Variants in EYS observed in about 807,000 individuals in gnomAD.
EYS encodes protein eyes shut homolog.
Under a neutral mutation model 282.1 loss-of-function variants are expected in EYS, and 250 were observed. That is an observed-to-expected ratio of 0.89 (90% CI 0.80 to 0.98). The LOEUF (loss-of-function observed/expected upper bound fraction) is 0.98, where lower values mean the gene tolerates loss of function less well. Ranked by LOEUF, EYS falls within the 50% of genes least tolerant of loss-of-function variation. EYS has a pLI of 0.00. For synonymous variants in EYS, 1,355 were observed against 1,282.9 expected (o/e 1.06, Z -1.20); for missense variants, 4,016 against 3,709.0 (o/e 1.08, Z -2.15).
At chr6:65,379,157 CA>C (rs1385556231) in intron 8 of EYS, among the ~76,000 whole-genome samples, 1 of 151,948 alleles carries the variant, frequency 6.6e-6, no homozygotes, top group East Asian at 1.9e-4. Flanking sequence ...GGAAGAGACA[CA>C]ATGAGAAAAT....
At chr6:64,640,306 C>CATTTGTTGTG (rs1768088554) in intron 22 of EYS, among the ~76,000 whole-genome samples, 1 of 150,808 alleles carries the variant, frequency 6.6e-6, no homozygotes, top group African/African-American at 2.4e-5. Flanking sequence ...ATAGCAAAGA[C>CATTTGTTGTG]TTGGAACCAA....
chr6:64,465,831 G>A (rs1775900242), intron 26 of EYS, among the ~76,000 whole-genome samples: 1 of 151,684 alleles, frequency 6.6e-6, no homozygotes, highest in Non-Finnish European at 1.5e-5. Context: ...CAGAATTGGA[G>A]AAAATATTTG....
chr6:64,765,497 T>A (rs1004000290), intron 22 of EYS, among the ~76,000 whole-genome samples: 6 of 152,196 alleles, frequency 3.9e-5, no homozygotes, highest in African/African-American at 1.4e-4. Flanking sequence ...CAGTGCCCTA[T>A]TCTTTTGGTA....
intron 22 of EYS, among the ~76,000 whole-genome samples, chr6:64,735,961 A>G (rs1363143755): frequency 6.6e-6 from 1 of 152,012 alleles, no homozygotes; most frequent in Non-Finnish European, 1.5e-5. Context: ...TTCAGTTACA[A>G]TCAAACCGAT....
At chr6:64,727,052 T>A (rs1412085672) in intron 22 of EYS, among the ~76,000 whole-genome samples, 3 of 152,196 alleles carry the variant, frequency 2.0e-5, no homozygotes, top group African/African-American at 7.2e-5. Flanking sequence ...CTGATGTTAC[T>A]GAAATTCTCT....
intron 12 of EYS, among the ~76,000 whole-genome samples, chr6:65,145,515 A>T (rs1479742516): frequency 8.6e-6 from 1 of 115,734 alleles, no homozygotes; most frequent in African/African-American, 4.0e-5. Context: ...TGTAAGAGGA[A>T]AAAAAAAAAG....
At chr6:65,229,262 CTAGA>C (rs919605392) in intron 12 of EYS, among the ~76,000 whole-genome samples, 3 of 122,440 alleles carry the variant, frequency 2.5e-5, no homozygotes, top group African/African-American at 5.4e-5. Flanking sequence ...AGTGTTGCGG[CTAGA>C]TAAACAAAAA....
chr6:65,194,560 C>T lies in EYS; in HGVS notation c.2023+101303G>A, dbSNP rs369963547. ...TATGCTGGAAGCAGGCTTCATGTTC[C>T]TTTGCACAACAGCAAAGTTGTGTCA... is the stretch of plus-strand genomic sequence containing the variant. On this transcript the variant is annotated intron_variant, in intron 12 of 42. Transcript: ENST00000503581. 4.0e-5 allele frequency among the ~76,000 whole-genome samples: 6 copies of T among 151,898 alleles called. No individual in the cohort carries two copies. The East Asian group carries it at 9.7e-4, about 25-fold the overall frequency.
At chr6:64,260,600 G>T (rs1335290321) in intron 30 of EYS, among the ~76,000 whole-genome samples, 1 of 151,980 alleles carries the variant, frequency 6.6e-6, no homozygotes, top group Non-Finnish European at 1.5e-5. Context: ...TATTTAATCT[G>T]CCCTCTCTAT....
At chr6:64,559,727 G>A (rs539865996) in intron 26 of EYS, among the ~76,000 whole-genome samples, 2 of 152,004 alleles carry the variant, frequency 1.3e-5, no homozygotes, top group African/African-American at 2.4e-5. Flanking sequence ...TTTTGAAAAT[G>A]CATACACATT....
chr6:65,649,930 TA>T (rs201070330), intron 1 of EYS, among the ~76,000 whole-genome samples: 1,639 of 152,268 alleles, frequency 0.011, 30 homozygotes, highest in African/African-American at 0.037. Context: ...AAAATTTCAT[TA>T]AAAATGCATT....
intron 29 of EYS, among the ~76,000 whole-genome samples, chr6:64,340,119 T>G (rs1276696468): frequency 6.6e-6 from 1 of 151,656 alleles, no homozygotes; most frequent in Non-Finnish European, 1.5e-5. Flanking sequence ...TTTGCCTATT[T>G]TTCAGCCCTG....
At chr6:65,603,811 T>C (rs976538346) in intron 2 of EYS, among the ~76,000 whole-genome samples, 1 of 151,968 alleles carries the variant, frequency 6.6e-6, no homozygotes, top group East Asian at 1.9e-4. Flanking sequence ...GTATAAATTA[T>C]ACTAGCAGGT....
At chr6:64,238,257 TAGGC>T (rs1766678098) in intron 30 of EYS, among the ~76,000 whole-genome samples, 3 of 152,244 alleles carry the variant, frequency 2.0e-5, no homozygotes, top group South Asian at 4.1e-4. Flanking sequence ...CCTTGGGTGT[TAGGC>T]AGGACTGGCA....
At chr6:64,037,695 C>T (rs1375356592) in intron 33 of EYS, among the ~76,000 whole-genome samples, 1 of 152,166 alleles carries the variant, frequency 6.6e-6, no homozygotes, top group Non-Finnish European at 1.5e-5. Context: ...TAAACACACA[C>T]ATGCAGATGA....
chr6:64,780,050 G>A (rs1174356277), intron 22 of EYS, among the ~76,000 whole-genome samples: 2 of 151,974 alleles, frequency 1.3e-5, no homozygotes, highest in African/African-American at 4.8e-5. Flanking sequence ...CACAATCCAG[G>A]GCTTGGTTTT....
chr6:65,537,470 G>GACTTGTTTATGTATACATAACAC (rs1284053461), intron 2 of EYS, among the ~76,000 whole-genome samples: 1 of 151,702 alleles, frequency 6.6e-6, no homozygotes, highest in African/African-American at 2.4e-5. Flanking sequence ...AATTAAATAA[G>GACTTGTTTATGTATACATAACAC]ACTTGTTTAT....
chr6:65,193,574 CT>C (rs1486704244), intron 12 of EYS, among the ~76,000 whole-genome samples: 1 of 151,594 alleles, frequency 6.6e-6, no homozygotes, highest in Non-Finnish European at 1.5e-5. Flanking sequence ...TGTATATAAG[CT>C]AGGTGAGAGC....
At chr6:64,664,073 G>A (rs1440639947) in intron 22 of EYS, among the ~76,000 whole-genome samples, 2 of 152,194 alleles carry the variant, frequency 1.3e-5, no homozygotes, top group African/African-American at 4.8e-5. Context: ...GGTCTGCAAC[G>A]CAGGGATCAG....
Sources: allele counts gnomAD v4.1 joint callset (sites outside exome capture counted in the v4.1 genomes callset), GRCh38; gene constraint gnomAD v4.1.1; transcripts MANE v1.5; gene names NCBI Gene and HGNC (gene_info 2026-07-23, HGNC 2026-07-21).